FBLIM1: variants seen among roughly 807,000 people sequenced by gnomAD.
The protein encoded by FBLIM1 is filamin-binding LIM protein 1.
FBLIM1 carries 29 observed loss-of-function variants against 37.4 expected under a neutral mutation model. That is an observed-to-expected ratio of 0.77 (90% CI 0.58 to 1.06). FBLIM1 has a LOEUF of 1.06. FBLIM1 is among the 50% of genes least tolerant of loss of function. FBLIM1 has a pLI of 0.00. For missense variants in FBLIM1, 449 were observed against 505.6 expected, an observed-to-expected ratio of 0.89 and a Z score of 1.07; for synonymous variants, 193 against 199.0, an observed-to-expected ratio of 0.97 and a Z score of 0.25.
At chr1:15,781,520 C>CA (rs1283687524) in intron 8 of FBLIM1, among the ~76,000 whole-genome samples, 273 of 25,168 alleles carry the variant, frequency 0.011, 2 homozygotes, top group East Asian at 0.05. Context: ...GACTCTGTCT[C>CA]AAAAAAAAAA....
Position 15,768,540 on chromosome 1 carries a change from G to A in FBLIM1, c.451G>A (p.Gly151Arg), listed in dbSNP as rs144480582. The A allele has an allele frequency of 6.3e-7, 1 of 1,588,660 alleles. No individual in the cohort carries two copies. The highest frequency in any genetic ancestry group is 1.2e-5 in the South Asian group (1 of 86,826). ...PPPPPQAPAEGPSVQPGPLRP... is the reference protein window; with the variant it reads ...PPPPPQAPAERPSVQPGPLRP... ...TGCATCCCCACAGGCCCCAGCGGAG[G>A]GACCTTCAGTCCAGCCCGGTCCCCT... The change falls in exon 5 of 9, where the codon GGA becomes AGA. Residue 151 changes from glycine to arginine, a missense_variant. Coordinates refer to ENST00000375766, the MANE Select transcript of FBLIM1 (RefSeq NM_017556.4).
intron 8 of FBLIM1, among the ~76,000 whole-genome samples, chr1:15,782,427 A>G (rs11810329): frequency 0.12 from 17,434 of 147,824 alleles, 1,332 homozygotes; most frequent in Non-Finnish European, 0.16. Context: ...AAAAAAAAGG[A>G]TGGGAAACAG....
intron 6 of FBLIM1, among the ~76,000 whole-genome samples, chr1:15,770,941 C>CT (rs917009427): frequency 1.5e-4 from 23 of 149,618 alleles, no homozygotes; most frequent in Admixed American, 4.0e-4. Context: ...TCTTCTTCTT[C>CT]TTTTTTTTTG....
At chr1:15,775,744 A>C (rs1035775205) in intron 7 of FBLIM1, among the ~76,000 whole-genome samples, 2 of 152,020 alleles carry the variant, frequency 1.3e-5, no homozygotes, top group African/African-American at 4.8e-5. Context: ...TTGGATAGGC[A>C]TGATTGACCA....
chr1:15,771,722 T>G (rs898160118), intron 6 of FBLIM1, among the ~76,000 whole-genome samples: 6 of 152,118 alleles, frequency 3.9e-5, no homozygotes, highest in African/African-American at 1.4e-4. Flanking sequence ...CTTAAGATCC[T>G]TAGCTCATCC....
chr1:15,764,792 C>T (rs1418127217), intron 2 of FBLIM1, 107 bp downstream of exon 2: 4 of 815,426 alleles, frequency 4.9e-6, no homozygotes, highest in Non-Finnish European at 5.8e-6. Flanking sequence ...TCCTGTCTTC[C>T]CCAGCAGGAC....
At chr1:15,774,542 C>T in intron 6 of FBLIM1, 76 bp from the exon 7 acceptor site, 2 of 1,528,538 alleles carry the variant, frequency 1.3e-6, no homozygotes, top group South Asian at 2.6e-5. Flanking sequence ...CTGAGGGCAG[C>T]CTCTCAGAAG....
intron 6 of FBLIM1, 135 bp downstream of exon 6, chr1:15,770,713 C>T (rs2069160510): frequency 4.5e-6 from 5 of 1,118,998 alleles, no homozygotes; most frequent in Middle Eastern, 4.1e-4. Flanking sequence ...AACTGAGGCT[C>T]AGAAAGAAGG....
chr1:15,783,555 G>T (rs141886070), intron 8 of FBLIM1, among the ~76,000 whole-genome samples: 3 of 148,460 alleles, frequency 2.0e-5, no homozygotes, highest in African/African-American at 7.5e-5. Context: ...TTCCTGTCTC[G>T]TAGAACTTAC....
At chr1:15,778,616 A>G (rs1028194289) in intron 8 of FBLIM1, among the ~76,000 whole-genome samples, 5 of 148,578 alleles carry the variant, frequency 3.4e-5, no homozygotes, top group Non-Finnish European at 5.9e-5. Flanking sequence ...GCAAGCCTGA[A>G]GAATCAGAGG....
At chr1:15,780,396 C>T (rs1021839860) in intron 8 of FBLIM1, among the ~76,000 whole-genome samples, 6 of 152,234 alleles carry the variant, frequency 3.9e-5, no homozygotes, top group East Asian at 1.9e-4. Flanking sequence ...GATGGGGTTT[C>T]GCCATGTTGG....
intron 8 of FBLIM1, among the ~76,000 whole-genome samples, chr1:15,783,140 C>T (rs2148663861): frequency 6.6e-6 from 1 of 152,162 alleles, no homozygotes; most frequent in African/African-American, 2.4e-5. Flanking sequence ...CCAAAGGGTG[C>T]CCAGAACCAA....
intron 7 of FBLIM1, among the ~76,000 whole-genome samples, chr1:15,776,014 A>G (rs1390209666): frequency 6.6e-6 from 1 of 152,196 alleles, no homozygotes; most frequent in Non-Finnish European, 1.5e-5. Context: ...AGGAACAGGC[A>G]AAAGGTCAGA....
In FBLIM1 at chr1:15,774,517, C is replaced by G. The variant is rs549564917; in HGVS notation, c.712-101C>G. 1.7e-4 allele frequency: 250 copies of G among 1,475,664 alleles called. 1 individual carries two copies. In the South Asian group the frequency reaches 3.2e-3, roughly 19 times the overall value. The allele number at this position is 1,475,664 out of a possible 1,614,324, so 91.4% of individuals were successfully genotyped here. A position where few individuals can be genotyped will look rare whatever the true frequency, so the allele number is the denominator to read the frequency against. The stretch of plus-strand genomic sequence containing the variant: ...TGTCTGCAGGCCTCTCCTGTACTTC[C>G]CAGTTCCTGGGCCCCTGAGGGCAGC... On this transcript the variant is annotated intron_variant, in intron 6 of 8. Transcript: ENST00000375766.
chr1:15,770,268 T>C, intron 5 of FBLIM1, 141 bp from the exon 6 acceptor site: 1 of 874,584 alleles, frequency 1.1e-6, no homozygotes, highest in Non-Finnish European at 1.7e-6. Context: ...TTAATGCTCC[T>C]CATGACCCTC....
At chr1:15,772,483 C>G (rs1375569244) in intron 6 of FBLIM1, among the ~76,000 whole-genome samples, 1 of 152,024 alleles carries the variant, frequency 6.6e-6, no homozygotes, top group Admixed American at 6.6e-5. Context: ...GTGGGAGATG[C>G]CCCCACACGT....
chr1:15,765,308 ATT>A lies in FBLIM1; in HGVS notation c.250+76_250+77del. 1.4e-6 allele frequency: 2 copies of A among 1,463,370 alleles called. No individual in the cohort carries two copies. Among genetic ancestry groups the A allele is most frequent in the Non-Finnish European group, 9.2e-7 (1 of 1,090,522 alleles). The allele number at this position is 1,463,370 out of a possible 1,614,324, so 90.6% of individuals were successfully genotyped here. A position where few individuals can be genotyped will look rare whatever the true frequency, so the allele number is the denominator to read the frequency against. On this transcript the variant is annotated intron_variant, in intron 3 of 8. Transcript: ENST00000375766. The surrounding 1 kb of genome is among the most constrained non-coding windows in gnomAD (Gnocchi z 5.9). ...GGAGGAAAGGGCAGGCTCCAGCGTC[ATT>A]CATTCATTCATTATTCATCCTGACA...
Position 15,774,639 on chromosome 1 carries a change from A to C in FBLIM1, c.733A>C (p.Lys245Gln), listed in dbSNP as rs760252563. The change falls in exon 7 of 9, where the codon AAG (lysine) becomes CAG (glutamine). Residue 245 changes from lysine to glutamine, a missense_variant. Coordinates refer to ENST00000375766, the MANE Select transcript of FBLIM1 (RefSeq NM_017556.4). ...CYQDTLERCG[K>Q]CGEVVRDHII... Reference sequence around the variant, plus strand: ...CTAGGACACACTGGAGAGGTGCGGCAAGTGTGGCGAGGTGGTCCGGGACCA... The same window carrying C: ...CTAGGACACACTGGAGAGGTGCGGCCAGTGTGGCGAGGTGGTCCGGGACCA... The C allele has an allele frequency of 1.5e-5, 25 of 1,613,664 alleles. No individual in the cohort carries two copies. The South Asian group carries it at 2.7e-4, about 18-fold the overall frequency.
At chr1:15,778,189 C>A (rs1191570707) in intron 8 of FBLIM1, among the ~76,000 whole-genome samples, 2 of 152,068 alleles carry the variant, frequency 1.3e-5, no homozygotes, top group Non-Finnish European at 2.9e-5. Flanking sequence ...GGGGTTGTTA[C>A]AACTGGAGGA....
Sources: allele counts gnomAD v4.1 joint callset (sites outside exome capture counted in the v4.1 genomes callset), GRCh38; gene constraint gnomAD v4.1.1; non-coding constraint Gnocchi (gnomAD v3.1); transcripts MANE v1.5; gene names NCBI Gene and HGNC (gene_info 2026-07-23, HGNC 2026-07-21).